CADPS2: variants seen among roughly 807,000 people sequenced by gnomAD.
CADPS2 encodes calcium-dependent secretion activator 2.
Under a neutral mutation model 172.5 loss-of-function variants are expected in CADPS2, and 93 were observed. The observed-to-expected ratio is 0.54, with a 90% CI of 0.46 to 0.64. CADPS2 has a LOEUF of 0.64. CADPS2 is among the 30% of genes least tolerant of loss of function. The pLI, the probability that CADPS2 is intolerant of heterozygous loss-of-function variation, is 0.00. For synonymous variants in CADPS2, 546 were observed against 555.2 expected, an observed-to-expected ratio of 0.98 and a Z score of 0.23; for missense variants, 1,420 against 1,565.9, an observed-to-expected ratio of 0.91 and a Z score of 1.57.
intron 1 of CADPS2, among the ~76,000 whole-genome samples, chr7:122,805,401 G>A (rs577756539): frequency 2.6e-5 from 4 of 152,168 alleles, no homozygotes; most frequent in African/African-American, 7.2e-5. Flanking sequence ...CTAGTGATCC[G>A]CCTGCCTTGG....
intron 2 of CADPS2, chr7:122,702,763 C>T (rs2086368613): frequency 6.4e-7 from 1 of 1,564,356 alleles, no homozygotes; most frequent in African/African-American, 1.4e-5. Context: ...CTCCATTTGT[C>T]TATTAAGAGA....
intron 11 of CADPS2, among the ~76,000 whole-genome samples, chr7:122,487,629 A>T (rs889907001): frequency 6.6e-6 from 1 of 152,236 alleles, no homozygotes; most frequent in Non-Finnish European, 1.5e-5. Flanking sequence ...AAAGGCTTAG[A>T]AATTAGCTTA....
At chr7:122,586,495 T>C (rs535825148) in intron 6 of CADPS2, among the ~76,000 whole-genome samples, 1 of 151,972 alleles carries the variant, frequency 6.6e-6, no homozygotes, top group East Asian at 1.9e-4. Flanking sequence ...ATCAAATATA[T>C]TTATAAAATT....
At position 122,607,791 on chromosome 7, in the gene CADPS2, C is replaced by G. The variant is rs556789086; in HGVS notation, c.1223+7390G>C. Among the ~76,000 whole-genome samples the G allele has an allele frequency of 4.9e-4, 74 of 152,146 alleles. 1 individual carries two copies. Among genetic ancestry groups the G allele is most frequent in the Admixed American group, 4.2e-3 (64 of 15,258 alleles). ...TCATTTTGTTCTGCACCAACCCTAT[C>G]GGTCTTAGAGAAATGTTACTTCTAA... On this transcript the variant is annotated intron_variant, in intron 6 of 29. Transcript: ENST00000449022.
At chr7:122,573,670 G>A (rs1225772427) in intron 7 of CADPS2, among the ~76,000 whole-genome samples, 1 of 151,904 alleles carries the variant, frequency 6.6e-6, no homozygotes, top group Non-Finnish European at 1.5e-5. Context: ...TTGTACTCAA[G>A]AATACCATTC....
intron 2 of CADPS2, chr7:122,702,502 C>G: frequency 1.2e-6 from 2 of 1,613,654 alleles, no homozygotes. Flanking sequence ...GACAGGCATT[C>G]TGATTCCATC....
At chr7:122,882,799 G>A (rs1823285523) in intron 1 of CADPS2, among the ~76,000 whole-genome samples, 2 of 152,044 alleles carry the variant, frequency 1.3e-5, no homozygotes, top group South Asian at 4.1e-4. Flanking sequence ...CACTGGGGTG[G>A]TGCAAAGGTA....
chr7:122,428,974 T>C (rs756517878), intron 17 of CADPS2, among the ~76,000 whole-genome samples: 2 of 152,096 alleles, frequency 1.3e-5, no homozygotes, highest in African/African-American at 4.8e-5. Flanking sequence ...AGTTGGCTAT[T>C]TGGCAGACAT....
chr7:122,879,015 C>T (rs1353536625), intron 1 of CADPS2, among the ~76,000 whole-genome samples: 1 of 152,092 alleles, frequency 6.6e-6, no homozygotes, highest in African/African-American at 2.4e-5. Flanking sequence ...GCGGGCAGAT[C>T]ACCTGAGGCC....
chr7:122,702,098 G>A, intron 2 of CADPS2: 1 of 1,613,522 alleles, frequency 6.2e-7, no homozygotes, highest in Non-Finnish European at 8.5e-7. Flanking sequence ...GAAAGAATTG[G>A]GCACTCTAGG....
At chr7:122,538,872 T>C (rs551435487) in intron 8 of CADPS2, among the ~76,000 whole-genome samples, 1 of 152,096 alleles carries the variant, frequency 6.6e-6, no homozygotes, top group Non-Finnish European at 1.5e-5. Flanking sequence ...CAGGTGTTTA[T>C]CATTAGAGGA....
intron 11 of CADPS2, among the ~76,000 whole-genome samples, chr7:122,489,755 AT>A (rs1335708908): frequency 6.6e-6 from 1 of 152,110 alleles, no homozygotes. Flanking sequence ...CTTTTTCCAT[AT>A]CTATAGGAGA....
At chr7:122,767,465 C>T (rs2093588085) in intron 1 of CADPS2, among the ~76,000 whole-genome samples, 2 of 151,952 alleles carry the variant, frequency 1.3e-5, no homozygotes, top group Non-Finnish European at 2.9e-5. Flanking sequence ...ATAGTTGTGC[C>T]AACCATAGTG....
intron 1 of CADPS2, among the ~76,000 whole-genome samples, chr7:122,851,992 C>G (rs1813785744): frequency 6.6e-6 from 1 of 152,172 alleles, no homozygotes; most frequent in Non-Finnish European, 1.5e-5. Flanking sequence ...CCCCTATATA[C>G]AAACCAGGAA....
At chr7:122,368,618 T>C (rs2041296648) in intron 25 of CADPS2, among the ~76,000 whole-genome samples, 1 of 152,220 alleles carries the variant, frequency 6.6e-6, no homozygotes, top group African/African-American at 2.4e-5. Context: ...ATTGGTGTTA[T>C]ATTTTGCAGT....
rs967748464 is a variant in CADPS2, at chr7:122,745,011, A to C, written c.340-7943T>G. Among the ~76,000 whole-genome samples, 4 of 151,958 alleles carry C rather than the reference A, an allele frequency of 2.6e-5. No individual in the cohort carries two copies. The South Asian group carries it at 8.3e-4, about 32-fold the overall frequency. ...TATTGAACTATAACTGACAAGTAAA[A>C]ACGTAAACATTTAAGGTATACAAAG... On this transcript the variant is annotated intron_variant, in intron 1 of 29. Coordinates refer to ENST00000449022, the MANE Select transcript of CADPS2 (RefSeq NM_017954.11).
intron 17 of CADPS2, among the ~76,000 whole-genome samples, chr7:122,420,770 G>C (rs926510105): frequency 2.0e-5 from 3 of 152,340 alleles, no homozygotes; most frequent in East Asian, 1.9e-4. Context: ...AAAGTTGCTT[G>C]ATGAATTTCA....
At chr7:122,356,243 C>G (rs1192154754) in intron 27 of CADPS2, among the ~76,000 whole-genome samples, 2 of 151,956 alleles carry the variant, frequency 1.3e-5, no homozygotes, top group African/African-American at 4.8e-5. Flanking sequence ...TTTTGATGAC[C>G]TTGAAAATTC....
intron 5 of CADPS2, 150 bp downstream of exon 5, chr7:122,621,331 A>T: frequency 1.7e-6 from 1 of 590,608 alleles, no homozygotes; most frequent in South Asian, 2.5e-5. Flanking sequence ...TGCATATATA[A>T]GCTGAGTGTC....
Sources: gnomAD v4.1 joint callset for allele counts (sites outside exome capture counted in the v4.1 genomes callset) on GRCh38, gnomAD v4.1.1 for gene constraint, MANE v1.5 for transcripts, NCBI Gene and HGNC (gene_info 2026-07-23, HGNC 2026-07-21) for gene names.